Variants in TXNDC16 observed in about 807,000 individuals in gnomAD.
TXNDC16 encodes thioredoxin domain-containing protein 16.
Under a neutral mutation model 85.6 loss-of-function variants are expected in TXNDC16, and 74 were observed. The observed-to-expected ratio is 0.86, with a 90% CI of 0.72 to 1.05. The LOEUF is 1.05. Among genes scored for constraint, TXNDC16 ranks in the 50% least tolerant of loss-of-function variants. The pLI, the probability that TXNDC16 is intolerant of heterozygous loss-of-function variation, is 0.00. For missense variants in TXNDC16, 959 were observed against 947.0 expected, an observed-to-expected ratio of 1.01 and a Z score of -0.17; for synonymous variants, 335 against 326.5, an observed-to-expected ratio of 1.03 and a Z score of -0.28.
At chr14:52,444,761 C>T in intron 18 of TXNDC16, among the ~76,000 whole-genome samples, 1 of 151,944 alleles carries the variant, frequency 6.6e-6, no homozygotes, top group Non-Finnish European at 1.5e-5. Context: ...TCAGGAAATA[C>T]AAAAGTTATC....
chr14:52,489,644 A>T (rs1187047361), intron 11 of TXNDC16, among the ~76,000 whole-genome samples: 1 of 152,232 alleles, frequency 6.6e-6, no homozygotes, highest in Non-Finnish European at 1.5e-5. Flanking sequence ...CACAGAAAAG[A>T]ACAAAAATTT....
At chr14:52,475,585 A>G (rs919714568) in intron 14 of TXNDC16, among the ~76,000 whole-genome samples, 2 of 152,048 alleles carry the variant, frequency 1.3e-5, no homozygotes, top group African/African-American at 4.8e-5. Context: ...TGACACAGCA[A>G]AGACAGCCAT....
intron 6 of TXNDC16, among the ~76,000 whole-genome samples, chr14:52,526,876 A>G (rs548810593): frequency 1.4e-4 from 22 of 152,328 alleles, no homozygotes; most frequent in African/African-American, 5.0e-4. Flanking sequence ...TTAATCAATC[A>G]TATCTACATA....
intron 6 of TXNDC16, among the ~76,000 whole-genome samples, chr14:52,530,019 ATATGT>A (rs1284797866): frequency 8.8e-5 from 9 of 102,366 alleles, no homozygotes; most frequent in Admixed American, 4.4e-4. Flanking sequence ...ATTATATATT[ATATGT>A]TATAATTATT....
intron 14 of TXNDC16, among the ~76,000 whole-genome samples, chr14:52,480,946 T>G (rs969433996): frequency 3.5e-4 from 26 of 73,726 alleles, no homozygotes; most frequent in African/African-American, 8.0e-4. Flanking sequence ...GACACTGTGG[T>G]GTGTGTGTGT....
At position 52,543,412 on chromosome 14, in the gene TXNDC16, T is replaced by C. The variant is rs755521780; in HGVS notation, c.146A>G (p.Tyr49Cys). Reference protein sequence around the residue: ...TLQPGKASLAYFCQADSPRTS... With the variant: ...TLQPGKASLACFCQADSPRTS... ...AAAATACTTACCAGCTTGACAAAAA[T>C]AAGCTAAAGAGGCTTTTCCTGGTTG... Residue 49 changes from tyrosine to cysteine, a missense_variant, in exon 3 of 21, where the codon TAT becomes TGT. By Grantham distance (194) the Tyr-to-Cys change is radical. Coordinates refer to ENST00000281741, the MANE Select transcript of TXNDC16 (RefSeq NM_020784.3). The C allele has an allele frequency of 5.6e-6, 9 of 1,603,970 alleles. No individual in the cohort carries two copies. The highest frequency in any genetic ancestry group is 4.0e-5 in the African/African-American group (3 of 74,134).
At chr14:52,454,752 G>A (rs1319181941) in intron 18 of TXNDC16, among the ~76,000 whole-genome samples, 3 of 151,678 alleles carry the variant, frequency 2.0e-5, no homozygotes, top group Non-Finnish European at 4.4e-5. Flanking sequence ...GGAGGCGGAG[G>A]TTGCAGAGAG....
At chr14:52,495,243 T>C (rs2036503864) in intron 9 of TXNDC16, among the ~76,000 whole-genome samples, 2 of 152,196 alleles carry the variant, frequency 1.3e-5, no homozygotes, top group African/African-American at 4.8e-5. Flanking sequence ...CTCATACACA[T>C]GGCTAATAAG....
intron 16 of TXNDC16, among the ~76,000 whole-genome samples, chr14:52,465,040 TG>T (rs1385138925): frequency 6.6e-6 from 1 of 152,366 alleles, no homozygotes; most frequent in East Asian, 1.9e-4. Flanking sequence ...ATTTATTTTT[TG>T]TAAGTTCCTT....
chr14:52,528,041 A>T (rs1252715879), intron 6 of TXNDC16, among the ~76,000 whole-genome samples: 1 of 152,202 alleles, frequency 6.6e-6, no homozygotes, highest in Admixed American at 6.5e-5. Context: ...AATATGTTTC[A>T]AATATTAACA....
intron 8 of TXNDC16, 98 bp downstream of exon 8, chr14:52,514,782 C>T: frequency 1.2e-6 from 1 of 829,754 alleles, no homozygotes; most frequent in Non-Finnish European, 1.9e-6. Flanking sequence ...TATCTAAGCC[C>T]ATGCTGTGGG....
At chr14:52,518,786 C>T (rs2037142622) in intron 7 of TXNDC16, among the ~76,000 whole-genome samples, 1 of 151,960 alleles carries the variant, frequency 6.6e-6, no homozygotes, top group East Asian at 1.9e-4. Context: ...ACCTACTACA[C>T]TCTAGGAACC....
chr14:52,484,403 C>T (rs546928701), intron 12 of TXNDC16, among the ~76,000 whole-genome samples: 30 of 152,176 alleles, frequency 2.0e-4, no homozygotes, highest in African/African-American at 2.7e-4. Flanking sequence ...AATACAGTCA[C>T]GTACCACATA....
intron 18 of TXNDC16, among the ~76,000 whole-genome samples, chr14:52,442,607 C>T (rs1373404008): frequency 6.6e-6 from 1 of 152,158 alleles, no homozygotes; most frequent in African/African-American, 2.4e-5. Flanking sequence ...CTCAAAATCT[C>T]CTTCTTACAC....
At chr14:52,448,985 A>C (rs2035346898) in intron 18 of TXNDC16, among the ~76,000 whole-genome samples, 1 of 152,122 alleles carries the variant, frequency 6.6e-6, no homozygotes, top group African/African-American at 2.4e-5. Context: ...AAAAAAATTA[A>C]ATCATATCAC....
At chr14:52,521,285 T>TTG (rs2140195441) in intron 6 of TXNDC16, among the ~76,000 whole-genome samples, 1 of 150,900 alleles carries the variant, frequency 6.6e-6, no homozygotes, top group East Asian at 1.9e-4. Flanking sequence ...GCTATTTTTT[T>TTG]TTTTTTTTTG....
chr14:52,531,246 G>A (rs925566208), intron 6 of TXNDC16, among the ~76,000 whole-genome samples: 1 of 152,092 alleles, frequency 6.6e-6, no homozygotes, highest in Non-Finnish European at 1.5e-5. Flanking sequence ...CAGCCACTTT[G>A]GAAGGCAGCT....
Position 52,431,690 on chromosome 14 carries a change from T to C in TXNDC16, c.*614A>G, listed in dbSNP as rs184069300. ...CTGGCCTCTACTCACTAAATGTCAA[T>C]AACTGCCCTAGTCATGACATCAAAA... On this transcript the variant is annotated 3_prime_UTR_variant, in exon 21 of 21. Coordinates refer to ENST00000281741, the MANE Select transcript of TXNDC16 (RefSeq NM_020784.3). 2.9e-4 allele frequency: 44 copies of C among 152,356 alleles called. No homozygotes were observed. Among genetic ancestry groups the C allele is most frequent in the African/African-American group, 1.0e-3 (43 of 41,572 alleles). 9.4% of individuals were successfully genotyped at this position (152,356 alleles called of 1,614,324 possible).
At chr14:52,453,642 A>T (rs2035462537) in intron 18 of TXNDC16, among the ~76,000 whole-genome samples, 1 of 152,190 alleles carries the variant, frequency 6.6e-6, no homozygotes, top group South Asian at 2.1e-4. Context: ...AATTGAACTC[A>T]TGGAGATAGA....
Sources: gnomAD v4.1 joint callset for allele counts (sites outside exome capture counted in the v4.1 genomes callset) on GRCh38, gnomAD v4.1.1 for gene constraint, MANE v1.5 for transcripts, NCBI Gene and HGNC (gene_info 2026-07-23, HGNC 2026-07-21) for gene names.